Variants in XIRP2 observed in about 807,000 individuals in gnomAD.
XIRP2 encodes xin actin binding repeat containing 2.
In XIRP2, 236 loss-of-function variants were observed where a neutral mutation model predicts 277.0. That is an observed-to-expected ratio of 0.85 (90% CI 0.77 to 0.95). The LOEUF is 0.95. Among genes scored for constraint, XIRP2 ranks in the 40% least tolerant of loss-of-function variants. The pLI, the probability that XIRP2 is intolerant of heterozygous loss-of-function variation, is 0.00. For missense variants in XIRP2, 4,640 were observed against 4,157.5 expected (o/e 1.12, Z -3.19); for synonymous variants, 1,490 against 1,416.5 (o/e 1.05, Z -1.17).
intron 2 of XIRP2, among the ~76,000 whole-genome samples, chr2:166,938,216 T>C (rs954829909): frequency 6.6e-6 from 1 of 152,194 alleles, no homozygotes; most frequent in Non-Finnish European, 1.5e-5. Context: ...TTTCCTGCTT[T>C]CTCTTGTGGG....
rs1221941173 is a variant in XIRP2 at position 167,248,212 on chromosome 2, A to G, written c.6820A>G (p.Ile2274Val). The change falls in exon 9 of 11, where the codon ATC becomes GTC. Residue 2274 changes from isoleucine (I) to valine (V), a missense_variant. Coordinates refer to ENST00000409195, the MANE Select transcript of XIRP2 (RefSeq NM_152381.6). ...KMAMERSLNP[I>V]NFNPENNVKE... The stretch of plus-strand genomic sequence containing the variant: ...GGCAATGGAAAGGTCCTTGAATCCA[A>G]TCAACTTTAACCCTGAGAATAATGT... 3.7e-6 allele frequency: 6 copies of G among 1,613,580 alleles called. No individual in the cohort carries two copies. In the African/African-American group the frequency reaches 4.0e-5, roughly 11 times the overall value.
At chr2:167,201,266 G>GGA (rs1204010159) in intron 3 of XIRP2, among the ~76,000 whole-genome samples, 2,045 of 97,358 alleles carry the variant, frequency 0.021, 48 homozygotes, top group African/African-American at 0.078. Context: ...AAGAAAGAGA[G>GGA]AGGGAGAAAG....
At position 167,246,636 on chromosome 2, in the gene XIRP2, C is replaced by G. The variant is rs541451171; in HGVS notation, c.5244C>G (p.Thr1748=). ...GAGGAAATGTTCAGTTTTTCACAACCTGCATAGAAGCTGGAGCTTTGGATT... is the reference window on the plus strand; with the variant it reads ...GAGGAAATGTTCAGTTTTTCACAACGTGCATAGAAGCTGGAGCTTTGGATT... ...SERGNVQFFT[T]CIEAGALDYL... The change falls in exon 9 of 11, where the codon ACC becomes ACG. Residue 1748 remains threonine (T), a synonymous_variant. Transcript: ENST00000409195. 1 of 1,613,698 alleles carries G rather than the reference C, an allele frequency of 6.2e-7. No homozygotes were observed. Among genetic ancestry groups the G allele is most frequent in the Non-Finnish European group, 8.5e-7 (1 of 1,179,822 alleles).
At chr2:167,022,128 A>G (rs1439218933) in intron 2 of XIRP2, among the ~76,000 whole-genome samples, 4 of 152,140 alleles carry the variant, frequency 2.6e-5, no homozygotes, top group Admixed American at 6.6e-5. Flanking sequence ...CAGTTTTAAT[A>G]TATCTCCTTT....
At chr2:167,242,506 G>A in intron 8 of XIRP2, 63 bp from the exon 9 acceptor site, 2 of 1,523,680 alleles carry the variant, frequency 1.3e-6, no homozygotes, top group South Asian at 1.3e-5. Context: ...ATGAAGGGCA[G>A]TGCCTAGGAA....
chr2:167,168,684 T>C (rs912113192), intron 3 of XIRP2, among the ~76,000 whole-genome samples: 7 of 152,142 alleles, frequency 4.6e-5, no homozygotes, highest in African/African-American at 1.7e-4. Flanking sequence ...GCATGATCTC[T>C]GCTCACTGCA....
chr2:167,023,727 G>C (rs1688056408), intron 2 of XIRP2, among the ~76,000 whole-genome samples: 1 of 152,024 alleles, frequency 6.6e-6, no homozygotes, highest in South Asian at 2.1e-4. Flanking sequence ...TTTCCCCATT[G>C]CTTGATTTTC....
In XIRP2 at chr2:167,246,406, T is replaced by A; in HGVS notation, c.5014T>A (p.Ser1672Thr). 1 of 1,613,566 alleles carries A rather than the reference T, an allele frequency of 6.2e-7. No homozygotes were observed. Among genetic ancestry groups the A allele is most frequent in the Non-Finnish European group, 8.5e-7 (1 of 1,179,746 alleles). ...AIKNLFSEER[S>T]VKKGILIQED... ...AAAAAACCTGTTCTCTGAGGAAAGA[T>A]CTGTAAAGAAAGGCATCTTAATTCA... Residue 1672 changes from serine to threonine, a missense_variant, in exon 9 of 11, where the codon TCT becomes ACT. Coordinates refer to ENST00000409195, the MANE Select transcript of XIRP2 (RefSeq NM_152381.6).
chr2:167,035,785 T>C (rs548809095), intron 2 of XIRP2, among the ~76,000 whole-genome samples: 2 of 152,242 alleles, frequency 1.3e-5, no homozygotes, highest in Non-Finnish European at 2.9e-5. Flanking sequence ...AACTTCATGG[T>C]GGCCTCTCCC....
intron 3 of XIRP2, among the ~76,000 whole-genome samples, chr2:167,190,701 G>T (rs1693303882): frequency 6.6e-6 from 1 of 152,112 alleles, no homozygotes; most frequent in Non-Finnish European, 1.5e-5. Context: ...GAAAAGAGCA[G>T]GTTTTGGTTT....
At chr2:166,907,884 G>T (rs868488889) in intron 2 of XIRP2, among the ~76,000 whole-genome samples, 1 of 151,338 alleles carries the variant, frequency 6.6e-6, no homozygotes, top group Non-Finnish European at 1.5e-5. Flanking sequence ...TTGTCTTTGC[G>T]TTAGTTTGCT....
intron 2 of XIRP2, among the ~76,000 whole-genome samples, chr2:167,028,491 G>A (rs183341903): frequency 6.6e-6 from 1 of 152,176 alleles, no homozygotes; most frequent in Admixed American, 6.6e-5. Context: ...AAGAGTCACA[G>A]TGTTACTGGG....
chr2:166,928,939 C>T (rs1466864731), intron 2 of XIRP2, among the ~76,000 whole-genome samples: 1 of 152,008 alleles, frequency 6.6e-6, no homozygotes, highest in African/African-American at 2.4e-5. Flanking sequence ...ACTACAGTTC[C>T]TTAGAATTGC....
intron 2 of XIRP2, among the ~76,000 whole-genome samples, chr2:166,958,324 A>G (rs918647375): frequency 6.6e-6 from 1 of 151,862 alleles, no homozygotes; most frequent in African/African-American, 2.4e-5. Context: ...AGAGCAAGTA[A>G]ATCTAATAGA....
intron 2 of XIRP2, among the ~76,000 whole-genome samples, chr2:167,109,266 C>T (rs1042158951): frequency 1.3e-5 from 2 of 151,978 alleles, no homozygotes; most frequent in Non-Finnish European, 2.9e-5. Context: ...ATTTGCACCA[C>T]ATTTTCTTCT....
At position 167,259,244 on chromosome 2, in the gene XIRP2, G is replaced by T. The variant is rs772465309; in HGVS notation, c.*1427G>T. The T allele has an allele frequency of 3.7e-6, 6 of 1,613,306 alleles. 1 individual carries two copies. Among genetic ancestry groups the T allele is most frequent in the Admixed American group, 3.3e-5 (2 of 59,890 alleles). ...CCGCAATAATGAAAACACAGGTTTT[G>T]ATGCTCTGAGCCATGAATGTACAGC... is the stretch of plus-strand genomic sequence containing the variant. On this transcript the variant is annotated 3_prime_UTR_variant, in exon 11 of 11. Coordinates refer to ENST00000409195, the MANE Select transcript of XIRP2 (RefSeq NM_152381.6).
At chr2:166,914,726 T>C (rs1684816084) in intron 2 of XIRP2, among the ~76,000 whole-genome samples, 1 of 152,334 alleles carries the variant, frequency 6.6e-6, no homozygotes, top group African/African-American at 2.4e-5. Context: ...ATTATAGGTC[T>C]TTTAAACATT....
In XIRP2 at chr2:167,257,868, A is replaced by G. The variant is rs376113425; in HGVS notation, c.*51A>G. ...TTTCTTTTTGGCAGTTTGGGAAATT[A>G]TGCATCACTTCATGGACAAATATAC... On this transcript the variant is annotated 3_prime_UTR_variant, in exon 11 of 11. Transcript: ENST00000409195. The G allele has an allele frequency of 3.1e-6, 5 of 1,589,286 alleles. No individual in the cohort carries two copies. The highest frequency in any genetic ancestry group is 3.4e-6 in the Non-Finnish European group (4 of 1,170,728).
At chr2:167,006,484 G>A (rs370512407) in intron 2 of XIRP2, among the ~76,000 whole-genome samples, 1 of 151,832 alleles carries the variant, frequency 6.6e-6, no homozygotes, top group East Asian at 1.9e-4. Flanking sequence ...TATTCACGAT[G>A]AGAAATATTC....
Sources: gnomAD v4.1 joint callset for allele counts (sites outside exome capture counted in the v4.1 genomes callset) on GRCh38, gnomAD v4.1.1 for gene constraint, MANE v1.5 for transcripts, NCBI Gene and HGNC (gene_info 2026-07-23, HGNC 2026-07-21) for gene names.